MAGT1: variants seen among roughly 807,000 people sequenced by gnomAD.
MAGT1 encodes the protein dolichyl-diphosphooligosaccharide--protein glycosyltransferase subunit MAGT1.
Under a neutral mutation model 28.4 loss-of-function variants are expected in MAGT1, and 4 were observed. That is an observed-to-expected ratio of 0.14 (90% CI 0.07 to 0.32). The LOEUF (loss-of-function observed/expected upper bound fraction) is 0.32. Ranked by LOEUF, MAGT1 falls within the 10% of genes least tolerant of loss-of-function variation. The probability of loss-of-function intolerance (pLI) is 1.00; values close to 1 mark genes in which losing one functional copy is unlikely to be tolerated. For synonymous variants in MAGT1, 89 were observed against 89.7 expected (o/e 0.99, Z 0.04); for missense variants, 193 against 264.5 (o/e 0.73, Z 1.88).
chrX:77,894,253 T>C (rs2077092312), intron 1 of MAGT1, among the ~76,000 whole-genome samples: 1 of 112,318 alleles, frequency 8.9e-6, no homozygotes, highest in Non-Finnish European at 1.9e-5. Flanking sequence ...GACAATTGTA[T>C]ATTTTTATTG....
At chrX:77,849,783 GA>G (rs1557215338) in intron 7 of MAGT1, among the ~76,000 whole-genome samples, 2 of 108,420 alleles carry the variant, frequency 1.8e-5, no homozygotes, top group Non-Finnish European at 3.8e-5. Flanking sequence ...GCTGAAGCAA[GA>G]GAATCGCCTG....
At chrX:77,844,198 T>C (rs1285980342) in intron 7 of MAGT1, among the ~76,000 whole-genome samples, 1 of 111,991 alleles carries the variant, frequency 8.9e-6, no homozygotes, top group African/African-American at 3.2e-5. Flanking sequence ...TGTCCAGGAA[T>C]TTATCAATTT....
At chrX:77,887,762 CA>C (rs1426205420) in intron 1 of MAGT1, among the ~76,000 whole-genome samples, 1 of 111,981 alleles carries the variant, frequency 8.9e-6, no homozygotes, top group Non-Finnish European at 1.9e-5. Context: ...TCAGCAACTC[CA>C]AAAAAGCAAT....
intron 8 of MAGT1, among the ~76,000 whole-genome samples, chrX:77,831,749 T>C (rs782499059): frequency 9.1e-6 from 1 of 110,416 alleles, no homozygotes; most frequent in African/African-American, 3.3e-5. Context: ...TGTGCCACCA[T>C]GCCTGGCTAA....
Position 77,830,812 on chromosome X carries a change from G to T in MAGT1, c.985C>A (p.Pro329Thr). The T allele has an allele frequency of 8.9e-7, 1 of 1,122,124 alleles. No individual in the cohort carries two copies. Among genetic ancestry groups the T allele is most frequent in the East Asian group, 3.2e-5 (1 of 31,548 alleles). The allele number at this position is 1,122,124 out of a possible 1,213,427, so 92.5% of individuals were successfully genotyped here. A position where few individuals can be genotyped will look rare whatever the true frequency, so the allele number is the denominator to read the frequency against. The change falls in exon 9 of 10, where the codon CCA becomes ACA. Residue 329 changes from proline to threonine, a missense_variant. Physicochemically the swap from Pro to Thr is conservative, Grantham distance 38 (BLOSUM62 -1). Transcript: ENST00000618282. ...SIFRSKYHGY[P>T]YSFLMS ...AAAAAATAAGAATCATACCTGTATGGGTAGCCATGATATTTAGATCTAAAA... is the reference window on the plus strand; with the variant it reads ...AAAAAATAAGAATCATACCTGTATGTGTAGCCATGATATTTAGATCTAAAA...
Position 77,834,759 on chromosome X carries a change from G to A in MAGT1, c.902-3864C>T, listed in dbSNP as rs143558612. On this transcript the variant is annotated intron_variant, in intron 8 of 9. Transcript: ENST00000618282. ...AGCACAGGCAACCAAAGCAAAAATA[G>A]ACAAATGAGATCACATCAAGTTTAA... is the stretch of plus-strand genomic sequence containing the variant. Among the ~76,000 whole-genome samples the A allele has an allele frequency of 3.0e-4, 33 of 110,413 alleles. 1 individual carries two copies. In the East Asian group the frequency reaches 9.4e-3, roughly 31 times the overall value.
At chrX:77,859,860 C>A (rs1308268273) in intron 3 of MAGT1, among the ~76,000 whole-genome samples, 2 of 109,313 alleles carry the variant, frequency 1.8e-5, no homozygotes, top group African/African-American at 6.6e-5. Context: ...CAGTGAGACT[C>A]TGTCTTTAAA....
Position 77,828,965 on chromosome X carries a change from C to A in MAGT1, c.*255G>T. 3.5e-6 allele frequency: 1 copy of A among 283,391 alleles called. No individual in the cohort carries two copies. Among genetic ancestry groups the A allele is most frequent in the Non-Finnish European group, 6.3e-6 (1 of 158,105 alleles). 23.4% of individuals were successfully genotyped at this position (283,391 alleles called of 1,213,427 possible). ...AATTTTTATAATATACTTAATTGTA[C>A]TAAATTAAATGTTCCATAAAGTTCA... is the stretch of plus-strand genomic sequence containing the variant. On this transcript the variant is annotated 3_prime_UTR_variant, in exon 10 of 10. Transcript: ENST00000618282.
chrX:77,857,994 G>A (rs1557216148), intron 3 of MAGT1, among the ~76,000 whole-genome samples: 2 of 111,390 alleles, frequency 1.8e-5, no homozygotes. Flanking sequence ...TTACTGATGA[G>A]CACCACATTT....
At chrX:77,882,786 G>A (rs2077056120) in intron 1 of MAGT1, among the ~76,000 whole-genome samples, 1 of 107,732 alleles carries the variant, frequency 9.3e-6, no homozygotes, top group South Asian at 3.9e-4. Context: ...GGTCAACATA[G>A]TGGGACCCAG....
intron 1 of MAGT1, among the ~76,000 whole-genome samples, chrX:77,891,170 C>T (rs1276251758): frequency 9.0e-6 from 1 of 110,970 alleles, no homozygotes; most frequent in Admixed American, 9.7e-5. Context: ...TAAAACCAGT[C>T]GCTGCAAAAA....
At chrX:77,878,516 A>G (rs1367547416) in intron 1 of MAGT1, among the ~76,000 whole-genome samples, 4 of 104,422 alleles carry the variant, frequency 3.8e-5, no homozygotes, top group Non-Finnish European at 7.8e-5. Context: ...AGCCAGGCGC[A>G]GTGGCTCATG....
At chrX:77,866,834 C>T (rs2077009718) in intron 3 of MAGT1, among the ~76,000 whole-genome samples, 1 of 66,188 alleles carries the variant, frequency 1.5e-5, no homozygotes. Context: ...CTAAACTGCT[C>T]CTAATATCAT....
intron 1 of MAGT1, chrX:77,885,287 T>C (rs1365942212): frequency 3.7e-5 from 4 of 108,812 alleles, no homozygotes; most frequent in African/African-American, 1.3e-4. Context: ...CACTTTGGGA[T>C]GCCGAGGTGG....
Position 77,856,796 on chromosome X carries a change from C to A in MAGT1, c.609G>T (p.Val203=). 8.3e-7 allele frequency: 1 copy of A among 1,205,805 alleles called. No homozygotes were observed. Among genetic ancestry groups the A allele is most frequent in the African/African-American group, 1.7e-5 (1 of 57,691 alleles). The change falls in exon 5 of 10, where the codon GTG becomes GTT. Residue 203 remains valine (V), a synonymous_variant. Coordinates refer to ENST00000618282, the MANE Select transcript of MAGT1 (RefSeq NM_001367916.1). Reference sequence around the variant, plus strand: ...ATTCCATATTACTTCTTCGAAGATACACAAGTCCACCAATAACAGCCAAAA... The same window carrying A: ...ATTCCATATTACTTCTTCGAAGATAAACAAGTCCACCAATAACAGCCAAAA... The part of the protein sequence containing the change: ...GLLLAVIGGL[V]YLRRSNMEFL...
At chrX:77,895,436 G>T (rs372603691), upstream of MAGT1, 2 of 1,206,995 alleles carry the variant, frequency 1.7e-6, no homozygotes, top group Non-Finnish European at 2.2e-6. Context: ...TTCTATAAGT[G>T]AAACTTTGCT....
intron 1 of MAGT1, among the ~76,000 whole-genome samples, chrX:77,880,957 C>CA (rs11285161): frequency 0.017 from 598 of 35,117 alleles, 8 homozygotes; most frequent in East Asian, 0.045. Flanking sequence ...GAATCTGTCT[C>CA]AAAAAAAAAA....
In MAGT1 at chrX:77,866,602, C is replaced by G. The variant is rs1410246635; in HGVS notation, c.390+4206G>C. Among the ~76,000 whole-genome samples, 2 of 66,801 alleles carry G rather than the reference C, an allele frequency of 3.0e-5. 1 individual carries two copies. Among genetic ancestry groups the G allele is most frequent in the Non-Finnish European group, 8.1e-5 (2 of 24,688 alleles). 58.0% of individuals were successfully genotyped at this position (66,801 alleles called of 115,157 possible). On this transcript the variant is annotated intron_variant, in intron 3 of 9. Transcript: ENST00000618282. ...TAACTTAACTGACTCCGACTTGGTT[C>G]TAACCTCCAAGCTGTCCTTGTTCAT...
Position 77,892,083 on chromosome X carries a change from C to T in MAGT1, c.102+3226G>A, listed in dbSNP as rs781946985. ...ATTTTTTTTGTATTTTTAGTAGAGA[C>T]GGGGTTTCCCCAAGTTGGCCAGCCT... is the stretch of plus-strand genomic sequence containing the variant. On this transcript the variant is annotated intron_variant, in intron 1 of 9. Coordinates refer to ENST00000618282, the MANE Select transcript of MAGT1 (RefSeq NM_001367916.1). Among the ~76,000 whole-genome samples the T allele has an allele frequency of 2.7e-5, 3 of 110,181 alleles. No homozygotes were observed. In the South Asian group the frequency reaches 1.2e-3, roughly 42 times the overall value.
Sources: allele counts gnomAD v4.1 joint callset (sites outside exome capture counted in the v4.1 genomes callset), GRCh38; gene constraint gnomAD v4.1.1; transcripts MANE v1.5; gene names NCBI Gene and HGNC (gene_info 2026-07-23, HGNC 2026-07-21).